The following KATNBL1 variants were observed in gnomAD, a reference collection of about 807,000 sequenced individuals.
KATNBL1 encodes the protein katanin regulatory subunit B1 like 1, also known as KATNB1-like protein 1.
A neutral mutation model predicts 44.7 loss-of-function variants in KATNBL1; 28 were observed. The observed-to-expected ratio is 0.63, with a 90% CI of 0.46 to 0.86. The LOEUF is 0.86. Ranked by LOEUF, KATNBL1 falls within the 40% of genes least tolerant of loss-of-function variation. KATNBL1 has a pLI of 0.00. For synonymous variants in KATNBL1, 78 were observed against 114.9 expected, an observed-to-expected ratio of 0.68 and a Z score of 2.06; for missense variants, 272 against 350.7, an observed-to-expected ratio of 0.78 and a Z score of 1.79.
intron 1 of KATNBL1, among the ~76,000 whole-genome samples, chr15:34,171,379 C>T (rs967406328): frequency 1.3e-5 from 2 of 152,194 alleles, no homozygotes; most frequent in African/African-American, 2.4e-5. Context: ...ATCAAAACCA[C>T]AATGAGATAC....
intron 9 of KATNBL1, among the ~76,000 whole-genome samples, chr15:34,143,966 CAAAAAAAA>C (rs61591705): frequency 3.0e-5 from 2 of 66,404 alleles, no homozygotes; most frequent in Non-Finnish European, 4.9e-5. Flanking sequence ...GATTCCATCT[CAAAAAAAA>C]AAAAAAAAAA....
At chr15:34,180,834 G>A (rs887285800) in intron 1 of KATNBL1, among the ~76,000 whole-genome samples, 4 of 152,016 alleles carry the variant, frequency 2.6e-5, no homozygotes, top group Non-Finnish European at 5.9e-5. Context: ...AGGCTGAGGC[G>A]GGAGGGTCAC....
intron 9 of KATNBL1, chr15:34,143,137 G>A (rs1011034292): frequency 3.2e-6 from 2 of 626,024 alleles, no homozygotes; most frequent in Admixed American, 3.2e-5. Context: ...AATAATAAAT[G>A]GTACCTTAAA....
intron 2 of KATNBL1, among the ~76,000 whole-genome samples, chr15:34,155,784 T>C (rs1888619746): frequency 6.6e-6 from 1 of 152,198 alleles, no homozygotes; most frequent in African/African-American, 2.4e-5. Flanking sequence ...TAAACCGCTG[T>C]TGGTTGTAAT....
intron 1 of KATNBL1, among the ~76,000 whole-genome samples, chr15:34,175,640 C>T (rs1046724794): frequency 1.3e-5 from 2 of 152,118 alleles, no homozygotes; most frequent in African/African-American, 4.8e-5. Flanking sequence ...AATAAAACTT[C>T]GTAACCATTA....
chr15:34,210,084 C>G lies in KATNBL1; in HGVS notation c.-148G>C, dbSNP rs902137807. On this transcript the variant is annotated 5_prime_UTR_variant, in exon 1 of 10. Transcript: ENST00000256544. The stretch of plus-strand genomic sequence containing the variant: ...TTCAAACGCGGCCGCGCGCGCGGCC[C>G]GCCGGGATAGCTGGCGCTGTGGGCG... The G allele has an allele frequency of 2.6e-5, 4 of 151,922 alleles. No individual in the cohort carries two copies. Among genetic ancestry groups the G allele is most frequent in the Admixed American group, 2.6e-4 (4 of 15,274 alleles). 9.4% of individuals were successfully genotyped at this position (151,922 alleles called of 1,614,324 possible).
In KATNBL1 at chr15:34,204,709, A is replaced by G. The variant is rs143662953; in HGVS notation, c.-15+5242T>C. 7.6e-4 allele frequency among the ~76,000 whole-genome samples: 116 copies of G among 152,368 alleles called. 1 individual carries two copies. The highest frequency in any genetic ancestry group is 6.8e-3 in the Middle Eastern group (2 of 294). On this transcript the variant is annotated intron_variant, in intron 1 of 9. Transcript: ENST00000256544. ...TGCCAGACTTTCTTCAACTGGAAAC[A>G]TACTTTGTAGGCAAGAATAACTGCT...
intron 9 of KATNBL1, chr15:34,142,959 CT>C: frequency 1.6e-6 from 1 of 638,224 alleles, no homozygotes; most frequent in Non-Finnish European, 2.4e-6. Context: ...ATCTGCCCAC[CT>C]TGGCCTCCCA....
At chr15:34,148,485 G>A (rs1345174585) in intron 5 of KATNBL1, 147 bp downstream of exon 5, 3 of 547,796 alleles carry the variant, frequency 5.5e-6, no homozygotes, top group Admixed American at 3.2e-5. Context: ...CTACTCAGGA[G>A]GCTGAGGTGG....
intron 1 of KATNBL1, among the ~76,000 whole-genome samples, chr15:34,165,193 C>T (rs1031938386): frequency 6.6e-6 from 1 of 152,132 alleles, no homozygotes; most frequent in Non-Finnish European, 1.5e-5. Context: ...TGAAGCAACA[C>T]GGTTTGTTTG....
At position 34,163,704 on chromosome 15, in the gene KATNBL1, T is replaced by C; in HGVS notation, c.-14-14A>G. On this transcript the variant is annotated splice_polypyrimidine_tract_variant and intron_variant, in intron 1 of 9. Coordinates refer to ENST00000256544, the MANE Select transcript of KATNBL1 (RefSeq NM_024713.3). The stretch of plus-strand genomic sequence containing the variant: ...TCTCTTAAGTACCTAGACAATAAAA[T>C]AAAATAGAAAATTAAAACAGCAAAA... 7.1e-7 allele frequency: 1 copy of C among 1,415,800 alleles called. No homozygotes were observed. Among genetic ancestry groups the C allele is most frequent in the Non-Finnish European group, 9.6e-7 (1 of 1,043,190 alleles). 87.7% of individuals were successfully genotyped at this position (1,415,800 alleles called of 1,614,324 possible). A position where few individuals can be genotyped will look rare whatever the true frequency, so the allele number is the denominator to read the frequency against.
chr15:34,179,963 G>C (rs1261181477), intron 1 of KATNBL1, among the ~76,000 whole-genome samples: 1 of 152,184 alleles, frequency 6.6e-6, no homozygotes, highest in Non-Finnish European at 1.5e-5. Flanking sequence ...ATACATGGAG[G>C]TAATATTTCA....
chr15:34,152,792 C>T lies in KATNBL1; in HGVS notation c.436G>A (p.Glu146Lys). 6.2e-7 allele frequency: 1 copy of T among 1,605,754 alleles called. No individual in the cohort carries two copies. Among genetic ancestry groups the T allele is most frequent in the Non-Finnish European group, 8.5e-7 (1 of 1,175,484 alleles). Residue 146 changes from glutamate to lysine, a missense_variant and splice_region_variant, in exon 4 of 10, where the codon GAG becomes AAG. By Grantham distance (56) the Glu-to-Lys change is moderately conservative. This residue lies in a region of KATNBL1 where 111 missense variants were observed against 149.3 expected (regional missense o/e 0.74). Coordinates refer to ENST00000256544, the MANE Select transcript of KATNBL1 (RefSeq NM_024713.3). The part of the protein sequence containing the change: ...PSSKYSGFFS[E>K]VSQDHETMAQ... ...TATGAGTTAGAGAAAAGACTTACCT[C>T]AGAAAAAAACCCACTATATTTTGAT...
chr15:34,147,488 ATAT>A, intron 5 of KATNBL1, 58 bp from the exon 6 acceptor site: 1 of 1,345,816 alleles, frequency 7.4e-7, no homozygotes, highest in Non-Finnish European at 1.1e-6. Context: ...ATTTACTTTC[ATAT>A]TATGATTATT....
intron 1 of KATNBL1, among the ~76,000 whole-genome samples, chr15:34,193,750 G>A (rs1236275693): frequency 3.4e-5 from 5 of 148,382 alleles, no homozygotes; most frequent in Non-Finnish European, 7.4e-5. Context: ...TACTCAGGAC[G>A]CTGAGGCAGG....
Position 34,164,566 on chromosome 15 carries a change from A to G in KATNBL1, c.-14-876T>C, listed in dbSNP as rs1888908190. On this transcript the variant is annotated intron_variant, in intron 1 of 9. Coordinates refer to ENST00000256544, the MANE Select transcript of KATNBL1 (RefSeq NM_024713.3). ...CCTCCTATTTTACTAATTATATCTAAAGAGGGTCTAAAGAGGGCATGTTGA... is the reference window on the plus strand; with the variant it reads ...CCTCCTATTTTACTAATTATATCTAGAGAGGGTCTAAAGAGGGCATGTTGA... 2.0e-5 allele frequency among the ~76,000 whole-genome samples: 3 copies of G among 152,152 alleles called. 1 individual carries two copies. Among genetic ancestry groups the G allele is most frequent in the South Asian group, 4.1e-4 (2 of 4,832 alleles).
intron 1 of KATNBL1, among the ~76,000 whole-genome samples, chr15:34,183,588 T>C (rs574784960): frequency 6.6e-6 from 1 of 152,044 alleles, no homozygotes; most frequent in Admixed American, 6.6e-5. Flanking sequence ...CTTGCCTCAC[T>C]CCAAAAGAAA....
In KATNBL1 at chr15:34,141,860, T is replaced by C. The variant is rs1475621200; in HGVS notation, c.*479A>G. 2 of 152,512 alleles carry C rather than the reference T, an allele frequency of 1.3e-5. No homozygotes were observed. Among genetic ancestry groups the C allele is most frequent in the African/African-American group, 4.8e-5 (2 of 41,420 alleles). 9.4% of individuals were successfully genotyped at this position (152,512 alleles called of 1,614,324 possible). On this transcript the variant is annotated 3_prime_UTR_variant, in exon 10 of 10. Coordinates refer to ENST00000256544, the MANE Select transcript of KATNBL1 (RefSeq NM_024713.3). ...TATTGATTTTTTTCATGTTTTAAAC[T>C]TTCAGTCTTTTCAACATAAGAAAAT...
Position 34,152,897 on chromosome 15 carries a change from GC to G in KATNBL1, c.330del (p.Pro111LeufsTer53), listed in dbSNP as rs1888525841. 1 of 1,613,896 alleles carries G rather than the reference GC, an allele frequency of 6.2e-7. No individual in the cohort carries two copies. Among genetic ancestry groups the G allele is most frequent in the Non-Finnish European group, 8.5e-7 (1 of 1,179,912 alleles). On this transcript the variant is annotated frameshift_variant, in exon 4 of 10. Transcript: ENST00000256544. LOFTEE classifies it high-confidence loss of function. ...KENELACAGH[L>X]PEKLHHDSRT... ...CGACTATCATGGTGTAATTTTTCAGGCAGGTGGCCTGCACAAGCCAGTTCAT... is the reference window on the plus strand; with the variant it reads ...CGACTATCATGGTGTAATTTTTCAGGAGGTGGCCTGCACAAGCCAGTTCAT...
Sources: allele counts gnomAD v4.1 joint callset (sites outside exome capture counted in the v4.1 genomes callset), GRCh38; gene constraint gnomAD v4.1.1; regional missense constraint gnomAD v4.1.1; transcripts MANE v1.5; gene names NCBI Gene and HGNC (gene_info 2026-07-23, HGNC 2026-07-21).